Variants in NTRK3 observed in about 807,000 individuals in gnomAD.
NTRK3 encodes NT-3 growth factor receptor.
NTRK3 carries 24 observed loss-of-function variants against 91.7 expected under a neutral mutation model. The observed-to-expected ratio is 0.26, with a 90% confidence interval of 0.19 to 0.37. NTRK3 has a LOEUF of 0.37. NTRK3 is among the 10% of genes least tolerant of loss of function. The pLI, the probability that NTRK3 is intolerant of heterozygous loss-of-function variation, is 1.00. For missense variants in NTRK3, 880 were observed against 1,068.9 expected, an observed-to-expected ratio of 0.82 and a Z score of 2.46; for synonymous variants, 483 against 404.0, an observed-to-expected ratio of 1.20 and a Z score of -2.34.
At chr15:88,109,356 A>G (rs1459341772) in intron 13 of NTRK3, among the ~76,000 whole-genome samples, 3 of 152,186 alleles carry the variant, frequency 2.0e-5, no homozygotes, top group African/African-American at 7.2e-5. Flanking sequence ...CAACCTCACC[A>G]ACCTCGAATC....
chr15:88,230,072 G>T (rs1017812605), intron 3 of NTRK3, among the ~76,000 whole-genome samples: 9 of 152,208 alleles, frequency 5.9e-5, no homozygotes, highest in African/African-American at 1.9e-4. Context: ...AGTGTTGCTA[G>T]CTGGATGACC....
chr15:88,171,400 C>A (rs537284756), intron 5 of NTRK3, among the ~76,000 whole-genome samples: 2 of 152,298 alleles, frequency 1.3e-5, no homozygotes, highest in South Asian at 4.1e-4. Flanking sequence ...GGGGCTCCAG[C>A]CAGATCCCCA....
At chr15:87,995,826 T>A (rs1043692303) in intron 14 of NTRK3, among the ~76,000 whole-genome samples, 1 of 152,228 alleles carries the variant, frequency 6.6e-6, no homozygotes, top group African/African-American at 2.4e-5. Flanking sequence ...CCATAGACAA[T>A]GTGCAATGAA....
chr15:88,062,350 C>T (rs2046295092), intron 13 of NTRK3, among the ~76,000 whole-genome samples: 1 of 152,334 alleles, frequency 6.6e-6, no homozygotes, highest in East Asian at 1.9e-4. Flanking sequence ...CCTCCTACCC[C>T]TTTCCCATTG....
chr15:88,173,024 T>A (rs2045662134), intron 5 of NTRK3, among the ~76,000 whole-genome samples: 1 of 152,076 alleles, frequency 6.6e-6, no homozygotes, highest in Non-Finnish European at 1.5e-5. Flanking sequence ...CCATTGAAAA[T>A]CTGAAGCTTG....
chr15:88,038,073 C>T (rs1026018763), intron 13 of NTRK3, among the ~76,000 whole-genome samples: 2 of 152,200 alleles, frequency 1.3e-5, no homozygotes, highest in Admixed American at 6.5e-5. Context: ...AATTCTGGTA[C>T]ATTATCTTCC....
chr15:87,992,005 C>T (rs954688224), intron 14 of NTRK3, among the ~76,000 whole-genome samples: 13 of 151,700 alleles, frequency 8.6e-5, no homozygotes, highest in African/African-American at 2.7e-4. Context: ...GCTTATGCTT[C>T]CTCATCACTC....
At chr15:88,061,575 G>T (rs1485768959) in intron 13 of NTRK3, among the ~76,000 whole-genome samples, 1 of 152,254 alleles carries the variant, frequency 6.6e-6, no homozygotes, top group Non-Finnish European at 1.5e-5. Flanking sequence ...GGCATGCCTG[G>T]CTGGAGAGGA....
At chr15:87,991,417 G>T (rs545343316) in intron 14 of NTRK3, among the ~76,000 whole-genome samples, 5 of 152,136 alleles carry the variant, frequency 3.3e-5, no homozygotes, top group Non-Finnish European at 1.5e-5. Context: ...CTAGCCGTCT[G>T]CTCCTCTCTC....
At position 88,225,822 on chromosome 15, in the gene NTRK3, T is replaced by C. The variant is rs142241040; in HGVS notation, c.248+30084A>G. Among the ~76,000 whole-genome samples the C allele has an allele frequency of 6.8e-3, 1,041 of 152,016 alleles. 8 individuals carry two copies. Among genetic ancestry groups the C allele is most frequent in the African/African-American group, 0.021 (887 of 41,474 alleles). On this transcript the variant is annotated intron_variant, in intron 3 of 18. Transcript: ENST00000394480. ...AGGCAGGAGGAGGGATGGGAGGAGA[T>C]TGAAGGAAGGGCCAGAACAACAAGG...
intron 14 of NTRK3, among the ~76,000 whole-genome samples, chr15:88,025,566 G>T (rs968821153): frequency 5.9e-5 from 9 of 152,202 alleles, no homozygotes; most frequent in African/African-American, 2.2e-4. Context: ...TTGGAGTGAT[G>T]CAGCTGCAAG....
intron 18 of NTRK3, among the ~76,000 whole-genome samples, chr15:87,879,704 A>ATATAATGGC (rs757929051): frequency 1.1e-4 from 17 of 152,256 alleles, no homozygotes; most frequent in Non-Finnish European, 2.4e-4. Context: ...ATTATAAAAA[A>ATATAATGGC]TATAATGGCT....
chr15:88,053,407 C>T (rs1002550407), intron 13 of NTRK3, among the ~76,000 whole-genome samples: 1 of 152,198 alleles, frequency 6.6e-6, no homozygotes, highest in Non-Finnish European at 1.5e-5. Flanking sequence ...GTTCCTGGGA[C>T]TGACAGCCGG....
intron 3 of NTRK3, among the ~76,000 whole-genome samples, chr15:88,204,687 G>T (rs1157738805): frequency 6.6e-6 from 1 of 152,318 alleles, no homozygotes; most frequent in African/African-American, 2.4e-5. Flanking sequence ...GTTACATAAA[G>T]GTGTGAGAAT....
intron 3 of NTRK3, among the ~76,000 whole-genome samples, chr15:88,189,533 C>T (rs544961946): frequency 6.6e-6 from 1 of 152,112 alleles, no homozygotes; most frequent in South Asian, 2.1e-4. Flanking sequence ...CAACCTCTGC[C>T]TCCCAGGTTC....
chr15:88,187,377 C>T (rs938531869), intron 3 of NTRK3, among the ~76,000 whole-genome samples: 1 of 152,170 alleles, frequency 6.6e-6, no homozygotes, highest in Non-Finnish European at 1.5e-5. Context: ...ATCAGCTGGG[C>T]ACCTGCCAAG....
intron 15 of NTRK3, among the ~76,000 whole-genome samples, chr15:87,937,542 C>T (rs545761218): frequency 2.1e-4 from 32 of 152,062 alleles, no homozygotes; most frequent in Admixed American, 9.8e-4. Context: ...AAAACAAAAA[C>T]CAAAACACCC....
chr15:87,906,379 G>C (rs1281678460), intron 17 of NTRK3, among the ~76,000 whole-genome samples: 1 of 152,184 alleles, frequency 6.6e-6, no homozygotes, highest in Admixed American at 6.5e-5. Flanking sequence ...TGCTCTGAAT[G>C]GCCAGCACAA....
At chr15:88,133,917 C>A (rs2041626836) in intron 10 of NTRK3, among the ~76,000 whole-genome samples, 1 of 152,236 alleles carries the variant, frequency 6.6e-6, no homozygotes. Flanking sequence ...CCACATTTCT[C>A]CGACTTTACT....
Sources: allele counts gnomAD v4.1 joint callset (sites outside exome capture counted in the v4.1 genomes callset), GRCh38; gene constraint gnomAD v4.1.1; transcripts MANE v1.5; gene names NCBI Gene and HGNC (gene_info 2026-07-23, HGNC 2026-07-21).